The following NDUFAF6 variants were observed in gnomAD, a reference collection of about 807,000 sequenced individuals.
NDUFAF6 encodes NADH:ubiquinone oxidoreductase complex assembly factor 6, also known as NADH dehydrogenase (ubiquinone) complex I, assembly factor 6.
NDUFAF6 carries 45 observed loss-of-function variants against 40.8 expected under a neutral mutation model. That is an observed-to-expected ratio of 1.10 (90% CI 0.87 to 1.42). The LOEUF (loss-of-function observed/expected upper bound fraction) is 1.42. Ranked by LOEUF, NDUFAF6 falls within the 40% of genes most tolerant of loss-of-function variation. The probability of loss-of-function intolerance (pLI) is 0.00; values close to 1 mark genes in which losing one functional copy is unlikely to be tolerated. For synonymous variants in NDUFAF6, 185 were observed against 155.9 expected (o/e 1.19, Z -1.39); for missense variants, 435 against 418.5 (o/e 1.04, Z -0.34).
rs1268980230 is a variant in NDUFAF6, at chr8:94,939,842, T to C, written c.-935-5641T>C. ...GCTCAGTGGACTGCCTACAGAGAGTTAAATACTTGTAACGTACCTGGGACT... is the reference window on the plus strand; with the variant it reads ...GCTCAGTGGACTGCCTACAGAGAGTCAAATACTTGTAACGTACCTGGGACT... On this transcript the variant is annotated intron_variant, in intron 1 of 14. Coordinates refer to the NDUFAF6 transcript ENST00000396113. 3.7e-6 allele frequency: 6 copies of C among 1,601,614 alleles called. No individual in the cohort carries two copies. In the East Asian group the frequency reaches 1.3e-4, roughly 36 times the overall value.
In NDUFAF6 at chr8:95,054,842, C is replaced by G. The variant is rs538368650; in HGVS notation, c.873+2612C>G. Reference sequence around the variant, plus strand: ...CCTCATTCCAGCTTGGACAGGGCCTCTTAATTGTTTTATATATGGGGCATC... The same window carrying G: ...CCTCATTCCAGCTTGGACAGGGCCTGTTAATTGTTTTATATATGGGGCATC... On this transcript the variant is annotated intron_variant, in intron 8 of 8. Transcript: ENST00000396124. Among the ~76,000 whole-genome samples, 6 of 152,240 alleles carry G rather than the reference C, an allele frequency of 3.9e-5. No individual in the cohort carries two copies. In the South Asian group the frequency reaches 1.2e-3, roughly 32 times the overall value.
chr8:94,907,076 G>C (rs1818439289), intron 1 of NDUFAF6, among the ~76,000 whole-genome samples: 1 of 152,338 alleles, frequency 6.6e-6, no homozygotes, highest in African/African-American at 2.4e-5. Flanking sequence ...TGGCAAGTGA[G>C]AGAATGTATG....
chr8:95,023,552 A>G (rs1827786860), upstream of NDUFAF6, among the ~76,000 whole-genome samples: 1 of 152,180 alleles, frequency 6.6e-6, no homozygotes, highest in Admixed American at 6.5e-5. Flanking sequence ...GACATTTTAG[A>G]AAGAACCAGT....
At chr8:94,927,420 C>G (rs555773421) in intron 1 of NDUFAF6, 8 of 152,232 alleles carry the variant, frequency 5.3e-5, no homozygotes, top group South Asian at 4.2e-4. Flanking sequence ...ACTCAAAGTA[C>G]TGATACAACA....
At position 95,048,493 on chromosome 8, in the gene NDUFAF6, C is replaced by G; in HGVS notation, c.751C>G (p.Gln251Glu). Residue 251 changes from glutamine (Q) to glutamate (E), a missense_variant, in exon 7 of 9, where the codon CAA becomes GAA. Transcript: ENST00000396124. ...VSQEDFLRRN[Q>E]DKNVRDVIYD... ...ACAAGAGGACTTTCTACGGAGGAACCAAGATAAAAATGTGAGAGATGTAAT... is the reference window on the plus strand; with the variant it reads ...ACAAGAGGACTTTCTACGGAGGAACGAAGATAAAAATGTGAGAGATGTAAT... The G allele has an allele frequency of 6.2e-7, 1 of 1,613,978 alleles. No individual in the cohort carries two copies. Among genetic ancestry groups the G allele is most frequent in the South Asian group, 1.1e-5 (1 of 91,072 alleles).
chr8:95,051,225 T>C (rs1311482854), intron 7 of NDUFAF6, among the ~76,000 whole-genome samples: 2 of 152,030 alleles, frequency 1.3e-5, no homozygotes, highest in African/African-American at 4.8e-5. Flanking sequence ...CCCACTTCTG[T>C]TTACAAGGTA....
chr8:95,007,882 G>A lies in NDUFAF6; in HGVS notation c.-83-24113G>A, dbSNP rs563598780. 1.3e-4 allele frequency among the ~76,000 whole-genome samples: 20 copies of A among 151,850 alleles called. No homozygotes were observed. The East Asian group carries it at 1.6e-3, about 12-fold the overall frequency. ...TGGCACTACAGGCACACGCCACCAC[G>A]CACAGCTAATTTTTGAATTTTTGTA... On this transcript the variant is annotated intron_variant, in intron 2 of 9. Coordinates refer to the NDUFAF6 transcript ENST00000396111.
chr8:94,953,246 C>G (rs1822775678), upstream of NDUFAF6, among the ~76,000 whole-genome samples: 1 of 151,834 alleles, frequency 6.6e-6, no homozygotes, highest in South Asian at 2.1e-4. Flanking sequence ...ACTCGGGAAG[C>G]TGAGGCAGGA....
chr8:94,920,361 G>T (rs1233481580), intron 1 of NDUFAF6, among the ~76,000 whole-genome samples: 6 of 152,184 alleles, frequency 3.9e-5, no homozygotes. Context: ...GCCAGATTTG[G>T]TGTCTGGCAA....
intron 2 of NDUFAF6, among the ~76,000 whole-genome samples, chr8:95,009,200 TA>T (rs530155825): frequency 1.4e-3 from 190 of 133,842 alleles, no homozygotes; most frequent in East Asian, 2.9e-3. Flanking sequence ...ACCCTATCTC[TA>T]AAAAAAAAAA....
chr8:95,032,159 C>G, intron 2 of NDUFAF6, 65 bp downstream of exon 2: 1 of 1,314,644 alleles, frequency 7.6e-7, no homozygotes, highest in South Asian at 1.2e-5. Flanking sequence ...TAATGCTGAA[C>G]AATAAAGAAA....
intron 1 of NDUFAF6, among the ~76,000 whole-genome samples, chr8:94,918,673 A>G (rs684303): frequency 0.05 from 7,613 of 152,256 alleles, 251 homozygotes; most frequent in Middle Eastern, 0.065. Flanking sequence ...TTGTATCCCC[A>G]GGTTCACCCA....
At chr8:95,050,389 T>C (rs1831294048) in intron 7 of NDUFAF6, among the ~76,000 whole-genome samples, 1 of 152,186 alleles carries the variant, frequency 6.6e-6, no homozygotes, top group Non-Finnish European at 1.5e-5. Flanking sequence ...TTGTAGAGGC[T>C]TTTGAGAGGC....
chr8:95,107,830 G>T (rs1253736796), downstream of NDUFAF6, among the ~76,000 whole-genome samples: 1 of 152,154 alleles, frequency 6.6e-6, no homozygotes, highest in East Asian at 1.9e-4. Flanking sequence ...AGCTTGGGAG[G>T]GTATAACTGA....
At chr8:95,036,293 G>A (rs1325499796) in intron 3 of NDUFAF6, 1 of 1,283,096 alleles carries the variant, frequency 7.8e-7, no homozygotes, top group South Asian at 1.2e-5. Context: ...TGTCCCTGTT[G>A]TAATGCAGTG....
At chr8:94,998,090 A>G (rs1352379530) in intron 2 of NDUFAF6, among the ~76,000 whole-genome samples, 1 of 152,246 alleles carries the variant, frequency 6.6e-6, no homozygotes, top group Non-Finnish European at 1.5e-5. Flanking sequence ...TAAGCTTCAC[A>G]GAAAATAAAG....
At chr8:95,113,234 T>C (rs1334331098) in intron 4 of NDUFAF6, among the ~76,000 whole-genome samples, 4 of 152,142 alleles carry the variant, frequency 2.6e-5, no homozygotes, top group African/African-American at 9.7e-5. Flanking sequence ...CATTTCTCTA[T>C]GGAGTAGGGA....
At chr8:94,938,976 G>A (rs983626040) in intron 1 of NDUFAF6, among the ~76,000 whole-genome samples, 23 of 152,164 alleles carry the variant, frequency 1.5e-4, no homozygotes, top group African/African-American at 5.6e-4. Flanking sequence ...CCATCTCGAG[G>A]TAGACAGTGT....
intron 2 of NDUFAF6, among the ~76,000 whole-genome samples, chr8:95,000,209 T>G (rs1418595596): frequency 1.3e-5 from 2 of 152,106 alleles, no homozygotes; most frequent in Admixed American, 1.3e-4. Flanking sequence ...TGGTGGTGCA[T>G]GCCTATAGTC....
Sources: allele counts gnomAD v4.1 joint callset (sites outside exome capture counted in the v4.1 genomes callset), GRCh38; gene constraint gnomAD v4.1.1; transcripts MANE v1.5; gene names NCBI Gene and HGNC (gene_info 2026-07-23, HGNC 2026-07-21).